Variants in SLC44A1 observed in about 807,000 individuals in gnomAD.
SLC44A1 encodes choline transporter-like protein 1.
Under a neutral mutation model 79.3 loss-of-function variants are expected in SLC44A1, and 26 were observed. That is an observed-to-expected ratio of 0.33 (90% CI 0.24 to 0.46). The LOEUF (loss-of-function observed/expected upper bound fraction) is 0.46. Among genes scored for constraint, SLC44A1 ranks in the 20% least tolerant of loss-of-function variants. The pLI, the probability that SLC44A1 is intolerant of heterozygous loss-of-function variation, is 1.00. For synonymous variants in SLC44A1, 263 were observed against 286.2 expected, an observed-to-expected ratio of 0.92 and a Z score of 0.82; for missense variants, 688 against 798.1, an observed-to-expected ratio of 0.86 and a Z score of 1.66.
intron 5 of SLC44A1, among the ~76,000 whole-genome samples, chr9:105,350,743 A>T (rs1436556821): frequency 6.6e-6 from 1 of 152,216 alleles, no homozygotes; most frequent in Non-Finnish European, 1.5e-5. Flanking sequence ...AAGGATTTGT[A>T]AGAATTAAAC....
Position 105,390,429 on chromosome 9 carries a change from A to G in SLC44A1, c.*1373A>G, listed in dbSNP as rs1220260264. ...TTATTGCACTAAATACAGGCTCTGT[A>G]CAAAAAAAAAAAAAAAAAAAAAGCC... On this transcript the variant is annotated 3_prime_UTR_variant, in exon 16 of 16. Coordinates refer to ENST00000374720, the MANE Select transcript of SLC44A1 (RefSeq NM_080546.5). 7 of 624,234 alleles carry G rather than the reference A, an allele frequency of 1.1e-5. No homozygotes were observed. Among genetic ancestry groups the G allele is most frequent in the Non-Finnish European group, 1.3e-5 (7 of 522,374 alleles). 38.7% of individuals were successfully genotyped at this position (624,234 alleles called of 1,614,324 possible). A position where few individuals can be genotyped will look rare whatever the true frequency, so the allele number is the denominator to read the frequency against.
At chr9:105,264,161 A>G (rs1829906224) in intron 1 of SLC44A1, among the ~76,000 whole-genome samples, 1 of 151,884 alleles carries the variant, frequency 6.6e-6, no homozygotes, top group Admixed American at 6.6e-5. Context: ...ATCAATGTTC[A>G]GTCTTTTTTG....
chr9:105,307,820 A>T (rs1213467572), intron 2 of SLC44A1, among the ~76,000 whole-genome samples: 1 of 151,900 alleles, frequency 6.6e-6, no homozygotes, highest in East Asian at 1.9e-4. Flanking sequence ...AGGATTAAAT[A>T]TTTTTTTTCT....
chr9:105,369,566 C>T (rs1335143865), intron 12 of SLC44A1, among the ~76,000 whole-genome samples: 4 of 152,136 alleles, frequency 2.6e-5, no homozygotes, highest in African/African-American at 9.7e-5. Context: ...CATAGCATTC[C>T]CCTTCTCTCC....
At chr9:105,417,559 A>T (rs1829187661) in intron 15 of SLC44A1, among the ~76,000 whole-genome samples, 2 of 152,174 alleles carry the variant, frequency 1.3e-5, no homozygotes, top group African/African-American at 4.8e-5. Flanking sequence ...TTTACCTGGC[A>T]AAAGGAGCTA....
chr9:105,291,947 C>T (rs1830609988), intron 1 of SLC44A1, among the ~76,000 whole-genome samples: 1 of 152,072 alleles, frequency 6.6e-6, no homozygotes, highest in South Asian at 2.1e-4. Context: ...TACTTTTATA[C>T]CTCCCAGTTG....
chr9:105,412,840 T>A (rs1315108445), intron 15 of SLC44A1, among the ~76,000 whole-genome samples: 1 of 152,072 alleles, frequency 6.6e-6, no homozygotes, highest in Non-Finnish European at 1.5e-5. Flanking sequence ...CTGCCTCAGA[T>A]GATCCACCCG....
Position 105,259,809 on chromosome 9 carries a change from A to G in SLC44A1, c.36+14905A>G, listed in dbSNP as rs141901963. On this transcript the variant is annotated intron_variant, in intron 1 of 15. Coordinates refer to ENST00000374720, the MANE Select transcript of SLC44A1 (RefSeq NM_080546.5). ...ATTTCAGTTATGAAAGTTTGGAAAT[A>G]ATACTTTAATAAGGCACTTCATTTT... 5.1e-3 allele frequency among the ~76,000 whole-genome samples: 772 copies of G among 152,366 alleles called. 8 individuals are homozygous for G. The highest frequency in any genetic ancestry group is 0.018 in the African/African-American group (736 of 41,582).
intron 15 of SLC44A1, among the ~76,000 whole-genome samples, chr9:105,438,005 C>T (rs922285645): frequency 6.6e-6 from 1 of 152,172 alleles, no homozygotes; most frequent in African/African-American, 2.4e-5. Flanking sequence ...TTACAACAAC[C>T]TTAAGGAAAC....
intron 1 of SLC44A1, among the ~76,000 whole-genome samples, chr9:105,270,971 T>G (rs1268415518): frequency 6.6e-6 from 1 of 152,264 alleles, no homozygotes; most frequent in East Asian, 1.9e-4. Context: ...TTCCCTCTTC[T>G]AGGGTTAAGT....
rs114257500 is a variant in SLC44A1, at chr9:105,264,277, C to T, written c.36+19373C>T. On this transcript the variant is annotated intron_variant, in intron 1 of 15. Coordinates refer to ENST00000374720, the MANE Select transcript of SLC44A1 (RefSeq NM_080546.5). The stretch of plus-strand genomic sequence containing the variant: ...CTCCCAGGCTCAAGTGATCCTCCCA[C>T]CTCAGCCTCCTGAATAGCGGGGACC... Among the ~76,000 whole-genome samples, 1,054 of 152,294 alleles carry T rather than the reference C, an allele frequency of 6.9e-3. 10 individuals carry two copies. Among genetic ancestry groups the T allele is most frequent in the African/African-American group, 0.023 (976 of 41,554 alleles).
chr9:105,343,803 TC>T (rs1365108221), intron 4 of SLC44A1, among the ~76,000 whole-genome samples: 1 of 152,180 alleles, frequency 6.6e-6, no homozygotes, highest in African/African-American at 2.4e-5. Context: ...GAGTCAGAAT[TC>T]TCCTTTTCCT....
chr9:105,329,773 T>G (rs997754130), intron 3 of SLC44A1, among the ~76,000 whole-genome samples: 3 of 152,200 alleles, frequency 2.0e-5, no homozygotes, highest in Admixed American at 2.0e-4. Flanking sequence ...TTCATGATTC[T>G]GTGCTTTTAG....
At chr9:105,316,711 T>C (rs1459143474) in intron 3 of SLC44A1, among the ~76,000 whole-genome samples, 1 of 152,224 alleles carries the variant, frequency 6.6e-6, no homozygotes, top group East Asian at 1.9e-4. Flanking sequence ...GTGTTGTCTA[T>C]TGAAAGCTGA....
intron 15 of SLC44A1, among the ~76,000 whole-genome samples, chr9:105,422,601 G>A (rs760174549): frequency 1.3e-5 from 2 of 151,888 alleles, no homozygotes; most frequent in Non-Finnish European, 2.9e-5. Context: ...CTTTATCAGC[G>A]GCCATGAGAC....
In SLC44A1 at chr9:105,381,701, T is replaced by G. The variant is rs141684195; in HGVS notation, c.1633-1422T>G. Among the ~76,000 whole-genome samples, 18 of 152,246 alleles carry G rather than the reference T, an allele frequency of 1.2e-4. No homozygotes were observed. In the East Asian group the frequency reaches 3.3e-3, roughly 28 times the overall value. On this transcript the variant is annotated intron_variant, in intron 13 of 15. Transcript: ENST00000374720. ...GTCACTATAAGAGAAGATTCATAAGTGTGTTGCTACAAAAATGGTGGGGAG... is the reference window on the plus strand; with the variant it reads ...GTCACTATAAGAGAAGATTCATAAGGGTGTTGCTACAAAAATGGTGGGGAG...
intron 3 of SLC44A1, among the ~76,000 whole-genome samples, chr9:105,332,205 C>T (rs1387758192): frequency 6.6e-6 from 1 of 150,838 alleles, no homozygotes; most frequent in Admixed American, 6.6e-5. Flanking sequence ...CTGCAATCTC[C>T]GCCTCCTGGG....
Position 105,418,332 on chromosome 9 carries a change from AAAAG to A in SLC44A1, c.1951-19937_1951-19934del, listed in dbSNP as rs1175791142. ...TCCGTCTCAAAAAAAAAAAAAAAAA[AAAAG>A]AAAGAAAGAAAAAGATAATTAGAAG... On this transcript the variant is annotated intron_variant, in intron 15 of 15. Coordinates refer to the SLC44A1 transcript ENST00000374724. 8.1e-4 allele frequency among the ~76,000 whole-genome samples: 121 copies of A among 148,900 alleles called. 2 individuals are homozygous for A. Among genetic ancestry groups the A allele is most frequent in the African/African-American group, 2.7e-3 (107 of 40,084 alleles).
intron 3 of SLC44A1, among the ~76,000 whole-genome samples, chr9:105,335,153 A>G (rs1232304122): frequency 6.6e-6 from 1 of 152,066 alleles, no homozygotes; most frequent in East Asian, 1.9e-4. Context: ...AATGAATTAC[A>G]TTTATTAACT....
Sources: allele counts gnomAD v4.1 joint callset (sites outside exome capture counted in the v4.1 genomes callset), GRCh38; gene constraint gnomAD v4.1.1; transcripts MANE v1.5; gene names NCBI Gene and HGNC (gene_info 2026-07-23, HGNC 2026-07-21).